PDGFD: variants seen among roughly 807,000 people sequenced by gnomAD.
The protein encoded by PDGFD is platelet-derived growth factor D.
In PDGFD, 30 loss-of-function variants were observed where a neutral mutation model predicts 44.7. The observed-to-expected ratio is 0.67, with a 90% confidence interval of 0.50 to 0.91. PDGFD has a LOEUF of 0.91. Among genes scored for constraint, PDGFD ranks in the 40% least tolerant of loss-of-function variants. The pLI is 0.00. For missense variants in PDGFD, 445 were observed against 457.8 expected, an observed-to-expected ratio of 0.97 and a Z score of 0.25; for synonymous variants, 173 against 168.4, an observed-to-expected ratio of 1.03 and a Z score of -0.21.
chr11:103,988,203 C>T (rs1383478497), intron 3 of PDGFD, among the ~76,000 whole-genome samples: 1 of 151,966 alleles, frequency 6.6e-6, no homozygotes, highest in Admixed American at 6.6e-5. Flanking sequence ...AATATTAGTA[C>T]ACCAAAGACC....
chr11:104,037,669 G>A, intron 1 of PDGFD: 1 of 1,614,188 alleles, frequency 6.2e-7, no homozygotes, highest in Non-Finnish European at 8.5e-7. Flanking sequence ...GAGGCTGGTG[G>A]ACCGACGGTG....
chr11:104,106,219 G>C (rs7948877), intron 1 of PDGFD, among the ~76,000 whole-genome samples: 1 of 151,834 alleles, frequency 6.6e-6, no homozygotes. Context: ...AACAAGATGA[G>C]GTAATTCCAA....
intron 5 of PDGFD, among the ~76,000 whole-genome samples, chr11:103,941,200 G>T (rs954706682): frequency 1.3e-5 from 2 of 152,026 alleles, no homozygotes; most frequent in African/African-American, 4.8e-5. Flanking sequence ...CTGAGTCAAT[G>T]TATCTGGGGT....
chr11:103,934,824 G>T (rs1405684054), intron 5 of PDGFD, among the ~76,000 whole-genome samples: 1 of 152,146 alleles, frequency 6.6e-6, no homozygotes, highest in Non-Finnish European at 1.5e-5. Flanking sequence ...TATGGGGATT[G>T]CAATTCAAGA....
At chr11:104,060,986 A>G (rs575389755) in intron 1 of PDGFD, among the ~76,000 whole-genome samples, 1 of 152,218 alleles carries the variant, frequency 6.6e-6, no homozygotes, top group South Asian at 2.1e-4. Context: ...CTCTACAACC[A>G]CTAAGCAAAA....
At chr11:103,982,622 G>T (rs1214184996) in intron 3 of PDGFD, among the ~76,000 whole-genome samples, 2 of 151,748 alleles carry the variant, frequency 1.3e-5, no homozygotes. Context: ...GAGAAAGTCA[G>T]ATTATCCCTG....
At chr11:104,147,526 A>T (rs1000663201) in intron 1 of PDGFD, among the ~76,000 whole-genome samples, 101 of 152,186 alleles carry the variant, frequency 6.6e-4, no homozygotes, top group African/African-American at 2.4e-3. Flanking sequence ...AATGATTTAT[A>T]TTGCTGTAAT....
intron 1 of PDGFD, among the ~76,000 whole-genome samples, chr11:104,022,432 T>C (rs1468306424): frequency 6.6e-6 from 1 of 152,174 alleles, no homozygotes; most frequent in Non-Finnish European, 1.5e-5. Flanking sequence ...TATAGGATAA[T>C]GCTTTTGTAA....
At chr11:104,057,567 C>T (rs971096857) in intron 1 of PDGFD, among the ~76,000 whole-genome samples, 27 of 151,994 alleles carry the variant, frequency 1.8e-4, no homozygotes, top group African/African-American at 5.8e-4. Context: ...AACTGACCAC[C>T]CGGCACTAGG....
intron 1 of PDGFD, among the ~76,000 whole-genome samples, chr11:104,084,950 TAA>T (rs1268898124): frequency 6.8e-6 from 1 of 147,856 alleles, no homozygotes; most frequent in Non-Finnish European, 1.5e-5. Context: ...ATATCACATA[TAA>T]ATAAATAAAA....
At chr11:104,147,879 AAT>A (rs1417659314) in intron 1 of PDGFD, among the ~76,000 whole-genome samples, 4 of 152,202 alleles carry the variant, frequency 2.6e-5, no homozygotes, top group Non-Finnish European at 5.9e-5. Context: ...AATCTTTTAA[AAT>A]CAGCCAGAAA....
intron 1 of PDGFD, among the ~76,000 whole-genome samples, chr11:104,090,067 A>T (rs1174362660): frequency 1.3e-5 from 2 of 152,178 alleles, no homozygotes; most frequent in African/African-American, 4.8e-5. Context: ...TTTTTATAAG[A>T]GTGATTACAG....
chr11:104,149,720 C>A (rs1279868187), intron 1 of PDGFD, among the ~76,000 whole-genome samples: 1 of 152,100 alleles, frequency 6.6e-6, no homozygotes, highest in East Asian at 1.9e-4. Context: ...CCCGTTTATT[C>A]CAGTTCCAGG....
At chr11:103,955,351 C>T (rs1161512221) in intron 3 of PDGFD, among the ~76,000 whole-genome samples, 4 of 152,108 alleles carry the variant, frequency 2.6e-5, no homozygotes, top group Admixed American at 1.3e-4. Flanking sequence ...GATTACTCTA[C>T]AGGGAGATCC....
intron 6 of PDGFD, among the ~76,000 whole-genome samples, chr11:103,911,116 T>A (rs1252436882): frequency 6.6e-6 from 1 of 152,176 alleles, no homozygotes; most frequent in Non-Finnish European, 1.5e-5. Flanking sequence ...CCCATCTCCC[T>A]GGGACAGAGA....
chr11:104,124,493 C>T lies in PDGFD; in HGVS notation c.124+39311G>A, dbSNP rs150729087. Among the ~76,000 whole-genome samples, 810 of 152,090 alleles carry T rather than the reference C, an allele frequency of 5.3e-3. 1 individual carries two copies. Among genetic ancestry groups the T allele is most frequent in the Middle Eastern group, 0.024 (7 of 294 alleles). On this transcript the variant is annotated intron_variant, in intron 1 of 6. Coordinates refer to ENST00000393158, the MANE Select transcript of PDGFD (RefSeq NM_025208.5). ...ACATTTAAGGCCCTCATCTTCACCA[C>T]GTGTAAATATTATAAATGCTGATAT...
At chr11:104,029,972 C>T (rs1169215989) in intron 1 of PDGFD, among the ~76,000 whole-genome samples, 3 of 152,146 alleles carry the variant, frequency 2.0e-5, no homozygotes, top group African/African-American at 7.2e-5. Flanking sequence ...ACGTTTTGAG[C>T]TCCAACATGA....
At chr11:104,049,763 T>C (rs1860499373) in intron 1 of PDGFD, among the ~76,000 whole-genome samples, 2 of 152,116 alleles carry the variant, frequency 1.3e-5, no homozygotes, top group African/African-American at 4.8e-5. Flanking sequence ...GGTCACCCTG[T>C]CAAATCTGGC....
chr11:104,072,166 AC>A lies in PDGFD; in HGVS notation c.125-71912del, dbSNP rs148474416. ...TGGAGATTCTTTACATTTATAAAAT[AC>A]AAAAACTGATGAATTAATTTAGTGT... On this transcript the variant is annotated intron_variant, in intron 1 of 6. Transcript: ENST00000393158. Among the ~76,000 whole-genome samples, 103 of 152,074 alleles carry A rather than the reference AC, an allele frequency of 6.8e-4. 3 individuals are homozygous for A. The East Asian group carries it at 0.018, about 27-fold the overall frequency.
Sources: gnomAD v4.1 joint callset for allele counts (sites outside exome capture counted in the v4.1 genomes callset) on GRCh38, gnomAD v4.1.1 for gene constraint, MANE v1.5 for transcripts, NCBI Gene and HGNC (gene_info 2026-07-23, HGNC 2026-07-21) for gene names.